NPAS3: variants seen among roughly 807,000 people sequenced by gnomAD.
NPAS3 encodes neuronal PAS domain-containing protein 3.
NPAS3 carries 14 observed loss-of-function variants against 73.1 expected under a neutral mutation model. That is an observed-to-expected ratio of 0.19 (90% CI 0.13 to 0.30). NPAS3 has a LOEUF of 0.30. Ranked by LOEUF, NPAS3 falls within the 10% of genes least tolerant of loss-of-function variation. The pLI is 1.00. For missense variants in NPAS3, 1,096 were observed against 1,250.0 expected, an observed-to-expected ratio of 0.88 and a Z score of 1.86; for synonymous variants, 620 against 541.5, an observed-to-expected ratio of 1.14 and a Z score of -2.01.
intron 1 of NPAS3, among the ~76,000 whole-genome samples, chr14:33,021,060 G>A (rs1336612633): frequency 1.3e-5 from 2 of 152,072 alleles, no homozygotes; most frequent in South Asian, 2.1e-4. Flanking sequence ...CACTGCACCC[G>A]GCCAGGTCCG....
intron 6 of NPAS3, among the ~76,000 whole-genome samples, chr14:33,709,895 C>T (rs1466083467): frequency 1.3e-5 from 2 of 152,154 alleles, no homozygotes; most frequent in African/African-American, 4.8e-5. Flanking sequence ...CACTCCCTTA[C>T]CCTCCCACAC....
intron 1 of NPAS3, among the ~76,000 whole-genome samples, chr14:33,052,574 A>G (rs1159211248): frequency 6.6e-6 from 1 of 152,242 alleles, no homozygotes; most frequent in Non-Finnish European, 1.5e-5. Context: ...AAACGTTGCA[A>G]AATATGATGT....
At chr14:33,159,603 G>A (rs904981915) in intron 2 of NPAS3, among the ~76,000 whole-genome samples, 1 of 147,308 alleles carries the variant, frequency 6.8e-6, no homozygotes, top group African/African-American at 2.5e-5. Flanking sequence ...GCCCAGGCTG[G>A]AGTGCAGTGG....
chr14:33,203,956 A>G (rs943481649), intron 2 of NPAS3, among the ~76,000 whole-genome samples: 19 of 152,042 alleles, frequency 1.2e-4, no homozygotes, highest in African/African-American at 4.1e-4. Context: ...AAGTGTTCCA[A>G]TTTCTCCACA....
intron 2 of NPAS3, among the ~76,000 whole-genome samples, chr14:33,127,906 A>G (rs1361309897): frequency 1.3e-5 from 2 of 152,162 alleles, no homozygotes; most frequent in Non-Finnish European, 2.9e-5. Flanking sequence ...AATTTGCATC[A>G]CTAAGACTTA....
At chr14:33,095,667 TTTA>T (rs371288483) in intron 2 of NPAS3, among the ~76,000 whole-genome samples, 32,049 of 117,600 alleles carry the variant, frequency 0.27, 7,575 homozygotes, top group Non-Finnish European at 0.37. Flanking sequence ...CTTTTATTTT[TTTA>T]TTTTTTTTTT....
intron 3 of NPAS3, among the ~76,000 whole-genome samples, chr14:33,278,856 G>A (rs1011151914): frequency 1.3e-5 from 2 of 152,166 alleles, no homozygotes; most frequent in Admixed American, 6.5e-5. Context: ...AAATTTTAAT[G>A]CGAGTGTGTA....
intron 2 of NPAS3, among the ~76,000 whole-genome samples, chr14:33,123,856 TCTTTC>T (rs1442034914): frequency 3.9e-4 from 39 of 98,904 alleles, no homozygotes; most frequent in Non-Finnish European, 5.8e-4. Flanking sequence ...TTTCTTTCTT[TCTTTC>T]TTTTTTTTTT....
chr14:33,307,546 T>A (rs1434164470), intron 3 of NPAS3, among the ~76,000 whole-genome samples: 2 of 148,560 alleles, frequency 1.3e-5, no homozygotes, highest in African/African-American at 2.5e-5. Flanking sequence ...TCCCTAAAAC[T>A]CTTCCTGCCA....
chr14:33,408,851 G>A (rs2047785763), intron 4 of NPAS3, among the ~76,000 whole-genome samples: 2 of 152,072 alleles, frequency 1.3e-5, no homozygotes, highest in African/African-American at 2.4e-5. Flanking sequence ...TTCATAGCAT[G>A]GCAAAAGTTC....
At chr14:33,055,803 A>T in intron 1 of NPAS3, 102 bp from the exon 2 acceptor site, 4 of 597,176 alleles carry the variant, frequency 6.7e-6, no homozygotes, top group African/African-American at 3.8e-5. Context: ...TCAAAAGCGT[A>T]AAAAGCAAAA....
In NPAS3 at chr14:33,198,852, C is replaced by T. The variant is rs538765030; in HGVS notation, c.141-16330C>T. ...CCACTGTGGGGGAGCTTGGGCATGG[C>T]AGGCTGCAGGTCCCGGAGCCCTGCC... On this transcript the variant is annotated intron_variant, in intron 2 of 11. Coordinates refer to ENST00000356141, the Ensembl canonical transcript of NPAS3. 2.6e-5 allele frequency among the ~76,000 whole-genome samples: 4 copies of T among 152,348 alleles called. No homozygotes were observed. The South Asian group carries it at 6.2e-4, about 24-fold the overall frequency.
intron 4 of NPAS3, among the ~76,000 whole-genome samples, chr14:33,384,495 C>T (rs1444298792): frequency 2.0e-5 from 3 of 151,766 alleles, no homozygotes; most frequent in South Asian, 2.1e-4. Flanking sequence ...TTTGGGAAGC[C>T]GAGGTGGGTG....
intron 1 of NPAS3, among the ~76,000 whole-genome samples, chr14:33,032,930 G>A (rs2040042705): frequency 6.6e-6 from 1 of 151,998 alleles, no homozygotes; most frequent in South Asian, 2.1e-4. Flanking sequence ...ATTTTTACTG[G>A]CACCACATTC....
chr14:33,177,055 T>C, intron 2 of NPAS3, among the ~76,000 whole-genome samples: 1 of 144,076 alleles, frequency 6.9e-6, no homozygotes, highest in Non-Finnish European at 1.5e-5. Flanking sequence ...TATTTTTTAA[T>C]TAGGCTGTTT....
At chr14:33,489,050 A>T (rs1216781595) in intron 4 of NPAS3, among the ~76,000 whole-genome samples, 1 of 152,172 alleles carries the variant, frequency 6.6e-6, no homozygotes, top group African/African-American at 2.4e-5. Flanking sequence ...TGCTAAATTT[A>T]GCTTTGAGTA....
At chr14:33,665,539 A>T (rs1002155162) in intron 5 of NPAS3, among the ~76,000 whole-genome samples, 3 of 152,194 alleles carry the variant, frequency 2.0e-5, no homozygotes, top group African/African-American at 7.2e-5. Flanking sequence ...AACTCAAAGG[A>T]TAAATGCTTG....
At chr14:33,079,243 T>C (rs906197244) in intron 2 of NPAS3, among the ~76,000 whole-genome samples, 1 of 152,200 alleles carries the variant, frequency 6.6e-6, no homozygotes, top group Admixed American at 6.5e-5. Context: ...GTAGAACTCT[T>C]TCTCTCTCTC....
chr14:33,799,951 T>C, exon 12 of NPAS3: 1 of 1,614,034 alleles, frequency 6.2e-7, no homozygotes, highest in South Asian at 1.1e-5. Flanking sequence ...ACGGCTTCGG[T>C]GCTCTGGGCG....
Sources: gnomAD v4.1 joint callset for allele counts (sites outside exome capture counted in the v4.1 genomes callset) on GRCh38, gnomAD v4.1.1 for gene constraint, MANE v1.5 for transcripts, NCBI Gene and HGNC (gene_info 2026-07-23, HGNC 2026-07-21) for gene names.